The following KIAA0586 variants were observed in gnomAD, a reference collection of about 807,000 sequenced individuals.
The protein encoded by KIAA0586 is protein TALPID3.
KIAA0586 carries 144 observed loss-of-function variants against 169.8 expected under a neutral mutation model. The ratio of observed to expected loss-of-function variants is 0.85; its 90% CI spans 0.74 to 0.97. KIAA0586 has a LOEUF of 0.97. KIAA0586 is among the 50% of genes least tolerant of loss of function. The pLI, the probability that KIAA0586 is intolerant of heterozygous loss-of-function variation, is 0.00. For synonymous variants in KIAA0586, 625 were observed against 612.4 expected (o/e 1.02, Z -0.30); for missense variants, 1,854 against 1,823.0 (o/e 1.02, Z -0.31).
At chr14:58,529,395 A>G (rs1188974643) in intron 29 of KIAA0586, among the ~76,000 whole-genome samples, 2 of 152,194 alleles carry the variant, frequency 1.3e-5, no homozygotes, top group African/African-American at 4.8e-5. Context: ...TGGCAGAGAC[A>G]CAACAAAAAA....
chr14:58,560,093 G>A, the KIAA0586 span, among the ~76,000 whole-genome samples: 1 of 151,082 alleles, frequency 6.6e-6, no homozygotes, highest in Non-Finnish European at 1.5e-5. Flanking sequence ...GGAGGTTGCA[G>A]TGAGCTGAGA....
intron 18 of KIAA0586, among the ~76,000 whole-genome samples, chr14:58,472,935 G>A (rs540382794): frequency 2.9e-5 from 4 of 139,214 alleles, no homozygotes; most frequent in African/African-American, 8.0e-5. Flanking sequence ...AATGTTATTC[G>A]CTCACAGATA....
At chr14:58,430,766 CAT>C in intron 3 of KIAA0586, 49 bp downstream of exon 3, 4 of 1,060,840 alleles carry the variant, frequency 3.8e-6, no homozygotes, top group South Asian at 1.4e-5. Flanking sequence ...ATATACATAA[CAT>C]AAAGTTTACT....
intron 4 of KIAA0586, among the ~76,000 whole-genome samples, chr14:58,440,580 C>A (rs1327877555): frequency 6.6e-6 from 1 of 152,220 alleles, no homozygotes; most frequent in Admixed American, 6.5e-5. Context: ...GATCCACCCG[C>A]CTTAGCCTCC....
chr14:58,556,326 T>C, the KIAA0586 span, among the ~76,000 whole-genome samples: 3 of 152,204 alleles, frequency 2.0e-5, no homozygotes, highest in African/African-American at 7.2e-5. Flanking sequence ...CCTTTGTTAT[T>C]TTAAGGTAAG....
intron 20 of KIAA0586, among the ~76,000 whole-genome samples, chr14:58,480,611 T>C (rs1012841487): frequency 2.6e-5 from 4 of 152,166 alleles, no homozygotes; most frequent in Admixed American, 2.6e-4. Flanking sequence ...ATTCTTCTCA[T>C]TTTTGAGATC....
At position 58,428,201 on chromosome 14, in the gene KIAA0586, G is replaced by T; in HGVS notation, c.-64G>T. On this transcript the variant is annotated 5_prime_UTR_variant, in exon 1 of 31. Coordinates refer to ENST00000652326, the MANE Select transcript of KIAA0586 (RefSeq NM_001329943.3). Reference sequence around the variant, plus strand: ...AAAGAGGTGAAAATTTTGTTCTGAAGTCTTAAGGAAACAGAGAAAGTTTTT... The same window carrying T: ...AAAGAGGTGAAAATTTTGTTCTGAATTCTTAAGGAAACAGAGAAAGTTTTT... The T allele has an allele frequency of 6.4e-7, 1 of 1,551,396 alleles. No homozygotes were observed. The highest frequency in any genetic ancestry group is 8.7e-7 in the Non-Finnish European group (1 of 1,150,540).
At chr14:58,504,558 C>T (rs2043801822) in intron 27 of KIAA0586, among the ~76,000 whole-genome samples, 1 of 152,162 alleles carries the variant, frequency 6.6e-6, no homozygotes, top group African/African-American at 2.4e-5. Flanking sequence ...CAAACTTAGT[C>T]TTCTCTAAAA....
At position 58,482,690 on chromosome 14, in the gene KIAA0586, C is replaced by T; in HGVS notation, c.3122C>T (p.Ser1041Leu). ...PVATGVSGDA[S>L]TNETYLPARV... ...GCTACAGGTGTTTCTGGGGATGCTT[C>T]AACAAATGAAACATATTTGCCGGTA... The change falls in exon 21 of 31, where the codon TCA (serine) becomes TTA (leucine). Residue 1041 changes from serine (S) to leucine (L), a missense_variant. Physicochemically the swap from Ser to Leu is moderately radical, Grantham distance 145. Transcript: ENST00000652326. 1 of 1,568,470 alleles carries T rather than the reference C, an allele frequency of 6.4e-7. No homozygotes were observed. The highest frequency in any genetic ancestry group is 1.4e-5 in the African/African-American group (1 of 72,488).
chr14:58,451,694 C>A (rs922653026), intron 8 of KIAA0586, among the ~76,000 whole-genome samples: 3 of 151,842 alleles, frequency 2.0e-5, no homozygotes, highest in African/African-American at 7.3e-5. Flanking sequence ...AATATATGAA[C>A]TTTTTTTGAG....
intron 29 of KIAA0586, among the ~76,000 whole-genome samples, chr14:58,526,099 G>C (rs1371587325): frequency 6.6e-6 from 1 of 152,228 alleles, no homozygotes; most frequent in Non-Finnish European, 1.5e-5. Context: ...CCCTGGGACA[G>C]AGCACCTGTG....
chr14:58,514,293 G>T (rs2044599458), intron 29 of KIAA0586, among the ~76,000 whole-genome samples: 1 of 151,872 alleles, frequency 6.6e-6, no homozygotes, highest in Admixed American at 6.6e-5. Context: ...TAATTCTCTG[G>T]AGCTCTCAGG....
Position 58,461,166 on chromosome 14 carries a change from G to T in KIAA0586, c.2059+6G>T. 1 of 1,538,782 alleles carries T rather than the reference G, an allele frequency of 6.5e-7. No individual in the cohort carries two copies. The highest frequency in any genetic ancestry group is 8.7e-7 in the Non-Finnish European group (1 of 1,146,056). ...AGTAATAGAACGAGTTAAAGGTAAG[G>T]AATCTCATTTTTAATGTTTAATCTC... On this transcript the variant is annotated splice_donor_region_variant and intron_variant, in intron 14 of 30. Coordinates refer to ENST00000652326, the MANE Select transcript of KIAA0586 (RefSeq NM_001329943.3).
chr14:58,474,804 T>G lies in KIAA0586; in HGVS notation c.2825+7T>G. 1.3e-6 allele frequency: 2 copies of G among 1,572,704 alleles called. No individual in the cohort carries two copies. Among genetic ancestry groups the G allele is most frequent in the Non-Finnish European group, 1.7e-6 (2 of 1,153,928 alleles). On this transcript the variant is annotated splice_region_variant and intron_variant, in intron 19 of 30. Coordinates refer to ENST00000652326, the MANE Select transcript of KIAA0586 (RefSeq NM_001329943.3). ...AAAATAGCTTAATTCAATGGTAAGT[T>G]TATAATGTTTTTGGTATGAATAGAA...
At chr14:58,478,667 C>A (rs139398404) in intron 20 of KIAA0586, among the ~76,000 whole-genome samples, 1 of 152,194 alleles carries the variant, frequency 6.6e-6, no homozygotes, top group African/African-American at 2.4e-5. Flanking sequence ...ATATTAGCCA[C>A]ATAATCATGA....
intron 27 of KIAA0586, among the ~76,000 whole-genome samples, chr14:58,506,075 T>C (rs1377542396): frequency 6.6e-6 from 1 of 152,164 alleles, no homozygotes; most frequent in Non-Finnish European, 1.5e-5. Flanking sequence ...TAAAGTCTCT[T>C]GGGTTTTCTA....
intron 4 of KIAA0586, chr14:58,441,205 T>C (rs2140520241): frequency 3.1e-6 from 1 of 318,188 alleles, no homozygotes; most frequent in Non-Finnish European, 6.4e-6. Context: ...TTTTTTTTTT[T>C]TTTTTTCTGG....
chr14:58,518,908 G>T (rs2044972185), intron 29 of KIAA0586, among the ~76,000 whole-genome samples: 1 of 152,204 alleles, frequency 6.6e-6, no homozygotes, highest in Non-Finnish European at 1.5e-5. Context: ...GAGGCAGATG[G>T]ATCACTTGAG....
At chr14:58,464,214 AG>A (rs904611360) in intron 14 of KIAA0586, 3 of 319,128 alleles carry the variant, frequency 9.4e-6, no homozygotes, top group African/African-American at 6.7e-5. Flanking sequence ...CATTTTTCTG[AG>A]CCAAGAGAAG....
Sources: gnomAD v4.1 joint callset for allele counts (sites outside exome capture counted in the v4.1 genomes callset) on GRCh38, gnomAD v4.1.1 for gene constraint, MANE v1.5 for transcripts, NCBI Gene and HGNC (gene_info 2026-07-23, HGNC 2026-07-21) for gene names.